The following NLRP11 variants were observed in gnomAD, a reference collection of about 807,000 sequenced individuals.
NLRP11 encodes the protein NLR family pyrin domain containing 11, also known as NACHT, LRR and PYD domains-containing protein 11.
In NLRP11, 53 loss-of-function variants were observed where a neutral mutation model predicts 79.3. That is an observed-to-expected ratio of 0.67 (90% confidence interval 0.54 to 0.84). The LOEUF (loss-of-function observed/expected upper bound fraction) is 0.84. Ranked by LOEUF, NLRP11 falls within the 40% of genes least tolerant of loss-of-function variation. The probability of loss-of-function intolerance (pLI) is 0.00; values close to 1 mark genes in which losing one functional copy is unlikely to be tolerated. For synonymous variants in NLRP11, 518 were observed against 462.6 expected (o/e 1.12, Z -1.54); for missense variants, 1,264 against 1,255.0 (o/e 1.01, Z -0.11).
intron 1 of NLRP11, among the ~76,000 whole-genome samples, chr19:55,827,647 CAAA>C (rs796535882): frequency 1.4e-5 from 2 of 147,972 alleles, no homozygotes; most frequent in East Asian, 4.1e-4. Context: ...TTTATGCAGC[CAAA>C]AAAAACATGA....
At chr19:55,785,531 ACACACACAT>A in exon 10 of NLRP11, 3 of 1,144,290 alleles carry the variant, frequency 2.6e-6, no homozygotes, top group African/African-American at 1.6e-5. Flanking sequence ...ACACACACAC[ACACACACAT>A]CAAATAGGAA....
intron 6 of NLRP11, among the ~76,000 whole-genome samples, chr19:55,795,705 G>A (rs955932800): frequency 2.6e-5 from 4 of 152,026 alleles, no homozygotes; most frequent in South Asian, 4.2e-4. Context: ...GGCCAGGCTG[G>A]TCTTGAACTC....
chr19:55,823,052 G>A (rs113056168), intron 1 of NLRP11, among the ~76,000 whole-genome samples: 40 of 148,986 alleles, frequency 2.7e-4, no homozygotes, highest in South Asian at 6.3e-4. Context: ...CTCCCAGCAC[G>A]CAGCTGGAGA....
At chr19:55,795,754 C>A (rs1355665600) in intron 6 of NLRP11, among the ~76,000 whole-genome samples, 1 of 152,146 alleles carries the variant, frequency 6.6e-6, no homozygotes, top group Non-Finnish European at 1.5e-5. Flanking sequence ...TCCCAAAGTA[C>A]TGGAATTACA....
At chr19:55,822,452 G>A (rs1981841528) in intron 1 of NLRP11, among the ~76,000 whole-genome samples, 1 of 152,186 alleles carries the variant, frequency 6.6e-6, no homozygotes. Context: ...ACAGCTCCCA[G>A]CGTGAGCAAC....
At chr19:55,833,488 G>A (rs1337613009), upstream of NLRP11, among the ~76,000 whole-genome samples, 5 of 152,116 alleles carry the variant, frequency 3.3e-5, no homozygotes, top group Non-Finnish European at 5.9e-5. Flanking sequence ...TTGGTTGGCC[G>A]GGGGCGGTGG....
chr19:55,833,821 T>C (rs1261996574), upstream of NLRP11, among the ~76,000 whole-genome samples: 5 of 66,938 alleles, frequency 7.5e-5, no homozygotes, highest in African/African-American at 2.3e-4. Context: ...GAACAAATAA[T>C]AGTGAAAAAA....
exon 6 of NLRP11, chr19:55,796,192 T>G: frequency 6.2e-7 from 1 of 1,613,938 alleles, no homozygotes; most frequent in Non-Finnish European, 8.5e-7. Context: ...CTCCCGCCAC[T>G]GATGAGGAGA....
chr19:55,823,206 T>C (rs1285354159), intron 1 of NLRP11, among the ~76,000 whole-genome samples: 1 of 144,002 alleles, frequency 6.9e-6, no homozygotes, highest in Non-Finnish European at 1.5e-5. Context: ...GAGGGTCCTG[T>C]CTGTTAGAAG....
At position 55,794,055 on chromosome 19, in the gene NLRP11, C is replaced by A. The variant is rs75210036; in HGVS notation, c.2343-1584G>T. Among the ~76,000 whole-genome samples, 13 of 152,140 alleles carry A rather than the reference C, an allele frequency of 8.5e-5. No homozygotes were observed. The East Asian group carries it at 2.5e-3, about 29-fold the overall frequency. ...TTCCTTGCCTATTTAAAATAAGTTACCAAAACAAATATTTTTTGCTTAGTA... is the reference window on the plus strand; with the variant it reads ...TTCCTTGCCTATTTAAAATAAGTTAACAAAACAAATATTTTTTGCTTAGTA... On this transcript the variant is annotated intron_variant, in intron 6 of 9. Transcript: ENST00000589093.
At chr19:55,792,373 C>T (rs746900880) in exon 7 of NLRP11, 9 of 1,614,010 alleles carry the variant, frequency 5.6e-6, no homozygotes, top group Non-Finnish European at 6.8e-6. Flanking sequence ...ATTTTTTAAG[C>T]GATTCACACA....
chr19:55,799,486 G>A (rs1431294166), intron 5 of NLRP11, among the ~76,000 whole-genome samples: 4 of 152,114 alleles, frequency 2.6e-5, no homozygotes, highest in Admixed American at 2.0e-4. Context: ...AGATGACTGA[G>A]GAGGAATAAT....
At chr19:55,793,188 AT>A (rs919937167) in intron 6 of NLRP11, among the ~76,000 whole-genome samples, 5 of 151,746 alleles carry the variant, frequency 3.3e-5, no homozygotes, top group South Asian at 2.1e-4. Flanking sequence ...CCGAATCTCT[AT>A]TTTTTTTAAC....
Position 55,792,476 on chromosome 19 carries a change from A to T in NLRP11, c.2343-5T>A. The stretch of plus-strand genomic sequence containing the variant: ...GTGAGACAGCAGAAGACTAACCTGC[A>T]CACAGAGAAGAGTGAGTCAGTGACA... On this transcript the variant is annotated splice_region_variant and splice_polypyrimidine_tract_variant and intron_variant, in intron 6 of 9. Transcript: ENST00000589093. 1 of 1,613,416 alleles carries T rather than the reference A, an allele frequency of 6.2e-7. No homozygotes were observed. Among genetic ancestry groups the T allele is most frequent in the East Asian group, 2.2e-5 (1 of 44,878 alleles).
chr19:55,786,095 G>T (rs1989864112), intron 9 of NLRP11, among the ~76,000 whole-genome samples: 1 of 152,222 alleles, frequency 6.6e-6, no homozygotes, highest in Admixed American at 6.5e-5. Flanking sequence ...AGAACTGTTT[G>T]AAGTAATATT....
At chr19:55,830,964 A>G (rs571413811) in intron 1 of NLRP11, among the ~76,000 whole-genome samples, 1 of 152,280 alleles carries the variant, frequency 6.6e-6, no homozygotes, top group South Asian at 2.1e-4. Flanking sequence ...GTGTCCCGAA[A>G]TACAGACACT....
chr19:55,790,437 G>A (rs992236700), intron 7 of NLRP11, among the ~76,000 whole-genome samples: 18 of 152,130 alleles, frequency 1.2e-4, no homozygotes, highest in African/African-American at 4.3e-4. Flanking sequence ...GCGCCTGGGT[G>A]ATACAGTTTG....
At chr19:55,797,935 AG>A (rs1298086024) in intron 5 of NLRP11, among the ~76,000 whole-genome samples, 2 of 152,094 alleles carry the variant, frequency 1.3e-5, no homozygotes, top group Non-Finnish European at 2.9e-5. Flanking sequence ...GTACATAAAC[AG>A]GAGATGGGGA....
rs1443325918 is a variant in NLRP11, at chr19:55,821,249, A to ACACACCC, written c.-62-3014_-62-3013insGGGTGTG. On this transcript the variant is annotated intron_variant, in intron 1 of 9. Transcript: ENST00000589093. ...CACACACACACACACACACACACAC[A>ACACACCC]CCCCAAGCACTGAGTTTGTAATGAT... Among the ~76,000 whole-genome samples, 181 of 124,442 alleles carry ACACACCC rather than the reference A, an allele frequency of 1.5e-3. 2 individuals carry two copies. The highest frequency in any genetic ancestry group is 5.0e-3 in the African/African-American group (175 of 34,692). 81.6% of individuals were successfully genotyped at this position (124,442 alleles called of 152,430 possible). A position where few individuals can be genotyped will look rare whatever the true frequency, so the allele number is the denominator to read the frequency against.
Sources: allele counts gnomAD v4.1 joint callset (sites outside exome capture counted in the v4.1 genomes callset), GRCh38; gene constraint gnomAD v4.1.1; transcripts MANE v1.5; gene names NCBI Gene and HGNC (gene_info 2026-07-23, HGNC 2026-07-21).